The following VRK3 variants were observed in gnomAD, a reference collection of about 807,000 sequenced individuals.
VRK3 encodes the protein serine/threonine-protein kinase VRK3.
VRK3 carries 50 observed loss-of-function variants against 60.4 expected under a neutral mutation model. The ratio of observed to expected loss-of-function variants is 0.83; its 90% confidence interval spans 0.66 to 1.05. The LOEUF is 1.05. VRK3 is among the 50% of genes least tolerant of loss of function. VRK3 has a pLI of 0.00. For missense variants in VRK3, 549 were observed against 585.3 expected (o/e 0.94, Z 0.64); for synonymous variants, 246 against 227.8 (o/e 1.08, Z -0.72).
Position 49,979,272 on chromosome 19 carries a change from G to A in VRK3, c.1277-30C>T, listed in dbSNP as rs760313067. Reference sequence around the variant, plus strand: ...GGTCAAGACAACCCCCAGCAAGGGAGAGCCTGAGAGGCATCCCCCAACCCC... The same window carrying A: ...GGTCAAGACAACCCCCAGCAAGGGAAAGCCTGAGAGGCATCCCCCAACCCC... On this transcript the variant is annotated intron_variant, in intron 13 of 14. Coordinates refer to ENST00000316763, the MANE Select transcript of VRK3 (RefSeq NM_016440.4). 2.9e-5 allele frequency: 46 copies of A among 1,613,760 alleles called. 1 individual carries two copies. The highest frequency in any genetic ancestry group is 4.4e-5 in the South Asian group (4 of 91,080).
intron 5 of VRK3, among the ~76,000 whole-genome samples, chr19:50,006,722 C>T (rs151126865): frequency 1.3e-5 from 2 of 152,132 alleles, no homozygotes; most frequent in East Asian, 3.9e-4. Flanking sequence ...TAAAAAGTTC[C>T]AAAAAGAAAA....
rs1348638859 is a variant in VRK3 at position 50,007,582 on chromosome 19, G to T, written c.534C>A (p.Gly178=). The T allele has an allele frequency of 2.5e-6, 4 of 1,614,116 alleles. No homozygotes were observed. Among genetic ancestry groups the T allele is most frequent in the Non-Finnish European group, 3.4e-6 (4 of 1,180,058 alleles). The part of the protein sequence containing the change: ...LKSFQTRDNQ[G]ILYEAAPTST... ...GACAGAGTGTACCTTCATAGAGAAT[G>T]CCCTGGTTGTCCCTGGTCTGGAAGG... The change falls in exon 5 of 15, where the codon GGC becomes GGA. Residue 178 remains glycine (G), a synonymous_variant. Transcript: ENST00000316763.
intron 5 of VRK3, among the ~76,000 whole-genome samples, chr19:50,001,825 T>C (rs1004175624): frequency 3.3e-5 from 5 of 152,110 alleles, no homozygotes; most frequent in Admixed American, 2.0e-4. Flanking sequence ...TCCATTTGCA[T>C]GTCTGTAAGA....
chr19:50,020,280 A>T (rs2077151230), intron 2 of VRK3, among the ~76,000 whole-genome samples: 1 of 152,112 alleles, frequency 6.6e-6, no homozygotes, highest in African/African-American at 2.4e-5. Context: ...ACCTCAAGTG[A>T]TCCACCCGCC....
intron 10 of VRK3, among the ~76,000 whole-genome samples, chr19:49,990,608 A>C (rs1000455597): frequency 1.3e-5 from 2 of 151,960 alleles, no homozygotes; most frequent in Non-Finnish European, 2.9e-5. Flanking sequence ...CCTGGGTTCA[A>C]GTGATCCTCC....
At chr19:50,016,313 A>C in intron 2 of VRK3, 150 bp from the exon 3 acceptor site, 1 of 1,020,794 alleles carries the variant, frequency 9.8e-7, no homozygotes, top group Non-Finnish European at 1.4e-6. Context: ...TAAAACATGC[A>C]ATGGGAATGG....
Position 49,981,016 on chromosome 19 carries a change from G to C in VRK3, c.1218-3C>G. The C allele has an allele frequency of 2.5e-6, 4 of 1,612,006 alleles. No homozygotes were observed. The highest frequency in any genetic ancestry group is 3.4e-6 in the Non-Finnish European group (4 of 1,179,072). On this transcript the variant is annotated splice_region_variant and splice_polypyrimidine_tract_variant and intron_variant, in intron 12 of 14. Coordinates refer to ENST00000316763, the MANE Select transcript of VRK3 (RefSeq NM_016440.4). ...AGGGCCCCGGCTTATCAACAAACCTGAAGGGACAGAAACACATGTGAAAGG... is the reference window on the plus strand; with the variant it reads ...AGGGCCCCGGCTTATCAACAAACCTCAAGGGACAGAAACACATGTGAAAGG...
At chr19:49,979,379 G>A (rs1006407588) in intron 13 of VRK3, 137 bp from the exon 14 acceptor site, 115 of 1,255,880 alleles carry the variant, frequency 9.2e-5, no homozygotes, top group Non-Finnish European at 8.4e-5. Flanking sequence ...CCATTTTCTT[G>A]TTGCCTGGCA....
chr19:50,012,151 A>T (rs1252354337), intron 3 of VRK3, among the ~76,000 whole-genome samples: 1 of 151,882 alleles, frequency 6.6e-6, no homozygotes. Context: ...TTGTATTTTT[A>T]GCAGAGACAG....
chr19:49,995,175 G>A lies in VRK3; in HGVS notation c.764+16C>T, dbSNP rs763873728. The A allele has an allele frequency of 1.7e-5, 28 of 1,613,390 alleles. No homozygotes were observed. The highest frequency in any genetic ancestry group is 2.3e-5 in the Non-Finnish European group (27 of 1,179,500). ...GAAAGAGGCCGGTGAGGCAAGCAGT[G>A]AGCAGAGCAGCTCACCTGTATTTGT... On this transcript the variant is annotated intron_variant, in intron 8 of 14. Transcript: ENST00000316763.
chr19:49,995,213 C>T lies in VRK3; in HGVS notation c.742G>A (p.Gly248Ser), dbSNP rs565911726. 432 of 1,614,196 alleles carry T rather than the reference C, an allele frequency of 2.7e-4. 2 individuals carry two copies. The South Asian group carries it at 3.9e-3, about 14-fold the overall frequency. ...CACCTGTATTTGTCCTGGTGAACACCGAAACCCATGCAGGTAGGGATGGCC... is the reference window on the plus strand; with the variant it reads ...CACCTGTATTTGTCCTGGTGAACACTGAAACCCATGCAGGTAGGGATGGCC... ...LLAIPTCMGF[G>S]VHQDKYRFLV... The change falls in exon 8 of 15, where the codon GGT becomes AGT. Residue 248 changes from glycine (G) to serine (S), a missense_variant. Transcript: ENST00000316763.
intron 4 of VRK3, among the ~76,000 whole-genome samples, chr19:50,008,103 G>A (rs1384990903): frequency 6.6e-6 from 1 of 152,132 alleles, no homozygotes; most frequent in Non-Finnish European, 1.5e-5. Context: ...AGTACAGACA[G>A]ATATTAGGGC....
At chr19:50,007,909 T>C in intron 4 of VRK3, 83 bp from the exon 5 acceptor site, 1 of 1,567,574 alleles carries the variant, frequency 6.4e-7, no homozygotes, top group Non-Finnish European at 8.7e-7. Flanking sequence ...CGCAAAATAC[T>C]GTTCCTTTAC....
chr19:49,978,799 G>T (rs181140603), intron 14 of VRK3: 115 of 301,116 alleles, frequency 3.8e-4, no homozygotes, highest in African/African-American at 2.4e-3. Flanking sequence ...TATTTTTGAG[G>T]CCCTGAATCC....
Position 49,983,336 on chromosome 19 carries a change from C to G in VRK3, c.1218-2323G>C, listed in dbSNP as rs140104079. On this transcript the variant is annotated intron_variant, in intron 12 of 14. Coordinates refer to ENST00000316763, the MANE Select transcript of VRK3 (RefSeq NM_016440.4). Reference sequence around the variant, plus strand: ...CCCTGAGCTCTGGCAGGTGGCTGTTCTCCCTTTGAGATACAGCTCGAGGGC... The same window carrying G: ...CCCTGAGCTCTGGCAGGTGGCTGTTGTCCCTTTGAGATACAGCTCGAGGGC... Among the ~76,000 whole-genome samples the G allele has an allele frequency of 6.1e-4, 93 of 152,362 alleles. 1 individual carries two copies. In the East Asian group the frequency reaches 0.018, roughly 29 times the overall value.
intron 8 of VRK3, 63 bp from the exon 9 acceptor site, chr19:49,994,982 C>G (rs1044324641): frequency 6.7e-7 from 1 of 1,493,108 alleles, no homozygotes; most frequent in African/African-American, 1.4e-5. Context: ...TACCGGCCGC[C>G]AAGGATGGAC....
chr19:50,007,935 A>T, intron 4 of VRK3, 109 bp from the exon 5 acceptor site: 1 of 1,476,348 alleles, frequency 6.8e-7, no homozygotes, highest in Non-Finnish European at 9.1e-7. Flanking sequence ...CGTTCATTCA[A>T]CAAACATTTC....
intron 12 of VRK3, among the ~76,000 whole-genome samples, chr19:49,985,136 T>C (rs1457232091): frequency 6.6e-6 from 1 of 152,106 alleles, no homozygotes; most frequent in Non-Finnish European, 1.5e-5. Flanking sequence ...ACTAACCCAT[T>C]AGAGTGTGTG....
intron 12 of VRK3, among the ~76,000 whole-genome samples, chr19:49,982,372 T>C (rs541572217): frequency 6.6e-6 from 1 of 152,238 alleles, no homozygotes; most frequent in Admixed American, 6.5e-5. Context: ...ATGTTGCCCA[T>C]GCTGGTCTGA....
Sources: gnomAD v4.1 joint callset for allele counts (sites outside exome capture counted in the v4.1 genomes callset) on GRCh38, gnomAD v4.1.1 for gene constraint, MANE v1.5 for transcripts, NCBI Gene and HGNC (gene_info 2026-07-23, HGNC 2026-07-21) for gene names.